Variants in UQCRFS1 observed in about 807,000 individuals in gnomAD.
UQCRFS1 encodes cytochrome b-c1 complex subunit Rieske, mitochondrial.
UQCRFS1 carries 6 observed loss-of-function variants against 15.6 expected under a neutral mutation model. The ratio of observed to expected loss-of-function variants is 0.38; its 90% CI spans 0.21 to 0.76. The LOEUF (loss-of-function observed/expected upper bound fraction) is 0.76. UQCRFS1 is among the 30% of genes least tolerant of loss of function. UQCRFS1 has a pLI of 0.44. For missense variants in UQCRFS1, 203 were observed against 366.7 expected, an observed-to-expected ratio of 0.55 and a Z score of 3.65; for synonymous variants, 105 against 154.3, an observed-to-expected ratio of 0.68 and a Z score of 2.37.
At chr19:29,212,191 G>C (rs562805886) in intron 1 of UQCRFS1, among the ~76,000 whole-genome samples, 1 of 152,178 alleles carries the variant, frequency 6.6e-6, no homozygotes, top group Non-Finnish European at 1.5e-5. Flanking sequence ...CCTGCGAAGA[G>C]CTCAGTGGCT....
Position 29,206,933 on chromosome 19 carries a change from G to A in UQCRFS1, c.*615C>T, listed in dbSNP as rs564039003. 1 of 152,428 alleles carries A rather than the reference G, an allele frequency of 6.6e-6. No homozygotes were observed. Among genetic ancestry groups the A allele is most frequent in the South Asian group, 2.1e-4 (1 of 4,828 alleles). 9.4% of individuals were successfully genotyped at this position (152,428 alleles called of 1,614,324 possible). A position where few individuals can be genotyped will look rare whatever the true frequency, so the allele number is the denominator to read the frequency against. ...TCATAAGGGACTAATAAAATTTCCT[G>A]GCCTGTCACTTAAGGAGAAAAACCA... On this transcript the variant is annotated 3_prime_UTR_variant, in exon 2 of 2. Transcript: ENST00000304863.
In UQCRFS1 at chr19:29,212,135, C is replaced by A. The variant is rs552893563; in HGVS notation, c.214+770G>T. On this transcript the variant is annotated intron_variant, in intron 1 of 1. Transcript: ENST00000304863. ...GGCCAAGTAAAGATGGAAGGCGAGG[C>A]AAAGAAGATAAACGGGGATCTAAGG... is the stretch of plus-strand genomic sequence containing the variant. Among the ~76,000 whole-genome samples the A allele has an allele frequency of 1.6e-4, 25 of 152,264 alleles. No homozygotes were observed. In the South Asian group the frequency reaches 5.2e-3, roughly 32 times the overall value.
chr19:29,210,798 T>C (rs1976638634), intron 1 of UQCRFS1, among the ~76,000 whole-genome samples: 1 of 152,180 alleles, frequency 6.6e-6, no homozygotes, highest in East Asian at 1.9e-4. Context: ...TTTGCTATTG[T>C]GAATAGTGCC....
rs1599710805 is a variant in UQCRFS1, at chr19:29,209,141, C to T, written c.215-983G>A. ...ACAAGACACAGTTACATCCCTCTCT[C>T]CAATACTATTTTTAAATATCTGACC... is the stretch of plus-strand genomic sequence containing the variant. On this transcript the variant is annotated intron_variant, in intron 1 of 1. Transcript: ENST00000304863. 2.5e-4 allele frequency among the ~76,000 whole-genome samples: 5 copies of T among 20,266 alleles called. No homozygotes were observed. In the South Asian group the frequency reaches 0.016, roughly 67 times the overall value. The allele number at this position is 20,266 out of a possible 152,430, so 13.3% of individuals were successfully genotyped here.
chr19:29,210,753 C>T (rs1411835041), intron 1 of UQCRFS1, among the ~76,000 whole-genome samples: 1 of 152,150 alleles, frequency 6.6e-6, no homozygotes, highest in African/African-American at 2.4e-5. Flanking sequence ...TTAATCCGGT[C>T]TATCATTGTT....
At chr19:29,208,540 T>C (rs906783024) in intron 1 of UQCRFS1, among the ~76,000 whole-genome samples, 1 of 152,214 alleles carries the variant, frequency 6.6e-6, no homozygotes, top group Non-Finnish European at 1.5e-5. Flanking sequence ...AGACTTACTA[T>C]ATAAATCATG....
At chr19:29,208,326 T>C (rs1296894936) in intron 1 of UQCRFS1, among the ~76,000 whole-genome samples, 168 bp from the exon 2 acceptor site, 2 of 152,218 alleles carry the variant, frequency 1.3e-5, no homozygotes, top group East Asian at 1.9e-4. Flanking sequence ...GGTGCTAGCA[T>C]ATAAAATCTT....
chr19:29,212,879 T>C (rs2145209187), intron 1 of UQCRFS1, 26 bp downstream of exon 1: 1 of 1,420,426 alleles, frequency 7.0e-7, no homozygotes, highest in East Asian at 3.0e-5. Context: ...CCCCCAGCCC[T>C]GCTCGCGGCC....
At chr19:29,211,533 G>A (rs1215154436) in intron 1 of UQCRFS1, among the ~76,000 whole-genome samples, 1 of 152,116 alleles carries the variant, frequency 6.6e-6, no homozygotes, top group East Asian at 1.9e-4. Flanking sequence ...AAAATCCGAC[G>A]TTGTGAAAGA....
Position 29,205,531 on chromosome 19 carries a change from G to C in UQCRFS1, c.*2017C>G, listed in dbSNP as rs1475035289. 4 of 152,066 alleles carry C rather than the reference G, an allele frequency of 2.6e-5. No homozygotes were observed. Among genetic ancestry groups the C allele is most frequent in the Admixed American group, 2.0e-4 (3 of 15,266 alleles). 9.4% of individuals were successfully genotyped at this position (152,066 alleles called of 1,614,324 possible). A position where few individuals can be genotyped will look rare whatever the true frequency, so the allele number is the denominator to read the frequency against. On this transcript the variant is annotated 3_prime_UTR_variant, in exon 2 of 2. Transcript: ENST00000304863. ...TTTGATGTTATCTTTAACAAATAAT[G>C]CAACATTTTCAAAAAGGCCATTTTT...
intron 1 of UQCRFS1, among the ~76,000 whole-genome samples, chr19:29,212,126 A>G (rs1189999951): frequency 6.6e-6 from 1 of 152,184 alleles, no homozygotes; most frequent in Non-Finnish European, 1.5e-5. Context: ...GTAAAGATGG[A>G]AGGCGAGGCA....
In UQCRFS1 at chr19:29,208,111, A is replaced by ATAC. The variant is rs1976611125; in HGVS notation, c.261_262insGTA (p.Asp87_Phe88insVal). The ATAC allele has an allele frequency of 6.2e-7, 1 of 1,613,942 alleles. No individual in the cohort carries two copies. On this transcript the variant is annotated inframe_insertion, in exon 2 of 2. Transcript: ENST00000304863. ...ACTTCAAGGCGGCGGTATTCAGAGA[A>ATAC]GTCAGGCACCTTGATGTCTGTGTGG...
rs1185519159 is a variant in UQCRFS1 at position 29,207,784 on chromosome 19, C to T, written c.589G>A (p.Asp197Asn). ...ACTCGATCTAGATCATGCTGTGGGT[C>T]CCTCAACTGTGATAATTCAACTGCA... ...EAAVELSQLRDPQHDLDRVKK... is the reference protein window; with the variant it reads ...EAAVELSQLRNPQHDLDRVKK... The change falls in exon 2 of 2, where the codon GAC (aspartate) becomes AAC (asparagine). Residue 197 changes from aspartate to asparagine, a missense_variant. This residue lies in a region of UQCRFS1 where 91 missense variants were observed against 186.9 expected (regional missense o/e 0.49). Transcript: ENST00000304863. 1.2e-6 allele frequency: 2 copies of T among 1,613,886 alleles called. No homozygotes were observed. Among genetic ancestry groups the T allele is most frequent in the Non-Finnish European group, 1.7e-6 (2 of 1,179,880 alleles).
intron 1 of UQCRFS1, among the ~76,000 whole-genome samples, chr19:29,208,375 T>C (rs867936602): frequency 2.6e-5 from 4 of 152,234 alleles, no homozygotes; most frequent in Non-Finnish European, 4.4e-5. Flanking sequence ...ATCATACTGG[T>C]ATGAAATCAC....
chr19:29,212,482 T>G (rs1976666406), intron 1 of UQCRFS1, among the ~76,000 whole-genome samples: 1 of 152,126 alleles, frequency 6.6e-6, no homozygotes, highest in Non-Finnish European at 1.5e-5. Flanking sequence ...TTTCCATTTC[T>G]TAAGCATGTA....
Position 29,207,281 on chromosome 19 carries a change from T to A in UQCRFS1, c.*267A>T, listed in dbSNP as rs1040857744. 33 of 340,536 alleles carry A rather than the reference T, an allele frequency of 9.7e-5. 1 individual carries two copies. Among genetic ancestry groups the A allele is most frequent in the Non-Finnish European group, 1.5e-4 (28 of 188,272 alleles). 21.1% of individuals were successfully genotyped at this position (340,536 alleles called of 1,614,324 possible). The stretch of plus-strand genomic sequence containing the variant: ...ATTTCACAAGTATCTTGTACACCAG[T>A]CTGTAATTTTTAATTAGAATTAGCT... On this transcript the variant is annotated 3_prime_UTR_variant, in exon 2 of 2. Transcript: ENST00000304863.
rs949169964 is a variant in UQCRFS1 at position 29,206,791 on chromosome 19, T to G, written c.*757A>C. 3 of 152,348 alleles carry G rather than the reference T, an allele frequency of 2.0e-5. No individual in the cohort carries two copies. In the East Asian group the frequency reaches 5.8e-4, roughly 29 times the overall value. 9.4% of individuals were successfully genotyped at this position (152,348 alleles called of 1,614,324 possible). ...AGTGGATGCAGGAACTTTGGGGACA[T>G]GATGAACCACACACAAAATGAACGA... On this transcript the variant is annotated 3_prime_UTR_variant, in exon 2 of 2. Transcript: ENST00000304863.
In UQCRFS1 at chr19:29,211,046, G is replaced by A. The variant is rs1307672478; in HGVS notation, c.214+1859C>T. ...GTTGTTTCCTGACTTTTTAATGACT[G>A]CCATTCTAACTGGTGTGAGATGGTA... On this transcript the variant is annotated intron_variant, in intron 1 of 1. Coordinates refer to ENST00000304863, the MANE Select transcript of UQCRFS1 (RefSeq NM_006003.3). Among the ~76,000 whole-genome samples, 11 of 152,042 alleles carry A rather than the reference G, an allele frequency of 7.2e-5. No homozygotes were observed. In the South Asian group the frequency reaches 8.3e-4, roughly 11 times the overall value.
In UQCRFS1 at chr19:29,208,217, A is replaced by G. The variant is rs1442376031; in HGVS notation, c.215-59T>C. 1.5e-5 allele frequency: 23 copies of G among 1,520,384 alleles called. No homozygotes were observed. In the East Asian group the frequency reaches 2.3e-4, roughly 15 times the overall value. The allele number at this position is 1,520,384 out of a possible 1,614,324, so 94.2% of individuals were successfully genotyped here. A position where few individuals can be genotyped will look rare whatever the true frequency, so the allele number is the denominator to read the frequency against. ...TAGATGAGTATCCCGAAGGGAGTAT[A>G]TATCAGGAAATAGCCCTTTATGGAT... On this transcript the variant is annotated intron_variant, in intron 1 of 1. Coordinates refer to ENST00000304863, the MANE Select transcript of UQCRFS1 (RefSeq NM_006003.3).
Sources: allele counts gnomAD v4.1 joint callset (sites outside exome capture counted in the v4.1 genomes callset), GRCh38; gene constraint gnomAD v4.1.1; regional missense constraint gnomAD v4.1.1; transcripts MANE v1.5; gene names NCBI Gene and HGNC (gene_info 2026-07-23, HGNC 2026-07-21).